TJP1: variants seen among roughly 807,000 people sequenced by gnomAD.
The protein encoded by TJP1 is tight junction protein ZO-1.
TJP1 carries 43 observed loss-of-function variants against 194.2 expected under a neutral mutation model. The observed-to-expected ratio is 0.22, with a 90% CI of 0.17 to 0.29. The LOEUF (loss-of-function observed/expected upper bound fraction) is 0.29. Among genes scored for constraint, TJP1 ranks in the 10% least tolerant of loss-of-function variants. The pLI, the probability that TJP1 is intolerant of heterozygous loss-of-function variation, is 1.00. For synonymous variants in TJP1, 801 were observed against 779.0 expected, an observed-to-expected ratio of 1.03 and a Z score of -0.47; for missense variants, 1,971 against 2,185.7, an observed-to-expected ratio of 0.90 and a Z score of 1.96.
intron 5 of TJP1, among the ~76,000 whole-genome samples, chr15:29,763,858 A>G (rs558487155): frequency 1.3e-5 from 2 of 152,236 alleles, no homozygotes; most frequent in South Asian, 4.2e-4. Context: ...AATCAGGGTG[A>G]AGAAAACGGC....
At chr15:29,814,787 CCA>C (rs780503871) in intron 1 of TJP1, among the ~76,000 whole-genome samples, 1 of 152,154 alleles carries the variant, frequency 6.6e-6, no homozygotes, top group Non-Finnish European at 1.5e-5. Context: ...AGATCATTCA[CCA>C]GTTAACTCAC....
At chr15:29,741,534 G>A in intron 9 of TJP1, 98 bp from the exon 10 acceptor site, 1 of 759,902 alleles carries the variant, frequency 1.3e-6, no homozygotes, top group Non-Finnish European at 2.2e-6. Context: ...CAGAGAACCT[G>A]ATGAGGAACA....
intron 2 of TJP1, among the ~76,000 whole-genome samples, chr15:29,796,755 T>A (rs2048440107): frequency 6.6e-6 from 1 of 152,220 alleles, no homozygotes; most frequent in South Asian, 2.1e-4. Context: ...GGATTTGCCC[T>A]ACCTGATTTC....
chr15:29,788,161 C>CT (rs1413843575), intron 2 of TJP1, among the ~76,000 whole-genome samples: 20 of 152,096 alleles, frequency 1.3e-4, no homozygotes, highest in Admixed American at 1.1e-3. Context: ...ACTGATTTGT[C>CT]TTTTTATTGT....
intron 2 of TJP1, among the ~76,000 whole-genome samples, chr15:29,863,641 C>T (rs1050345174): frequency 2.6e-5 from 4 of 152,094 alleles, no homozygotes; most frequent in Non-Finnish European, 4.4e-5. Flanking sequence ...TTGCAACCTA[C>T]GCCTAAACTA....
chr15:29,818,670 ATTTTTTTTT>A (rs11312672), intron 1 of TJP1, among the ~76,000 whole-genome samples: 1 of 124,714 alleles, frequency 8.0e-6, no homozygotes, highest in Admixed American at 8.1e-5. Flanking sequence ...AGGCCCGGCT[ATTTTTTTTT>A]TTTTTTTTTT....
chr15:29,746,770 T>TG (rs2044814260), intron 8 of TJP1, among the ~76,000 whole-genome samples: 1 of 152,170 alleles, frequency 6.6e-6, no homozygotes, highest in African/African-American at 2.4e-5. Flanking sequence ...TTTCTTTCTA[T>TG]GTTGTCTTCC....
rs1596253399 is a variant in TJP1, at chr15:29,917,439, A to C, written c.306+38793T>G. On this transcript the variant is annotated intron_variant, in intron 2 of 28. Transcript: ENST00000356107. ...TCCCTCCTGAACCCCTGCCAAAAACAATATATAAGGCCACAAAGAAGAAAA... is the reference window on the plus strand; with the variant it reads ...TCCCTCCTGAACCCCTGCCAAAAACCATATATAAGGCCACAAAGAAGAAAA... 4.6e-5 allele frequency among the ~76,000 whole-genome samples: 7 copies of C among 152,316 alleles called. No individual in the cohort carries two copies. In the South Asian group the frequency reaches 1.5e-3, roughly 32 times the overall value.
intron 2 of TJP1, among the ~76,000 whole-genome samples, chr15:29,829,483 CT>C (rs34609570): frequency 6.6e-6 from 1 of 152,008 alleles, no homozygotes; most frequent in African/African-American, 2.4e-5. Flanking sequence ...GTTCAGGAAA[CT>C]TTTTTCCTCA....
chr15:29,888,230 A>C (rs2053187087), intron 2 of TJP1, among the ~76,000 whole-genome samples: 1 of 152,068 alleles, frequency 6.6e-6, no homozygotes, highest in African/African-American at 2.4e-5. Flanking sequence ...TAAAATATTT[A>C]TTTAAACACT....
intron 2 of TJP1, among the ~76,000 whole-genome samples, chr15:29,833,861 A>G (rs1202756492): frequency 4.6e-5 from 1 of 21,878 alleles, no homozygotes; most frequent in Non-Finnish European, 8.1e-5. Context: ...TTGTAAGTAT[A>G]TATATATATA....
intron 2 of TJP1, among the ~76,000 whole-genome samples, chr15:29,793,710 C>A (rs967967453): frequency 6.6e-6 from 1 of 152,102 alleles, no homozygotes; most frequent in Non-Finnish European, 1.5e-5. Context: ...CATGAGAACT[C>A]CACTCCTATG....
At chr15:29,960,173 C>G (rs759970845) in intron 1 of TJP1, among the ~76,000 whole-genome samples, 46 of 152,088 alleles carry the variant, frequency 3.0e-4, no homozygotes, top group Non-Finnish European at 6.5e-4. Context: ...TATGCCAAAT[C>G]TAGAAGCCTA....
intron 2 of TJP1, among the ~76,000 whole-genome samples, chr15:29,846,178 T>C (rs2051401243): frequency 1.3e-5 from 2 of 152,186 alleles, no homozygotes; most frequent in African/African-American, 4.8e-5. Context: ...TAACCTCTCC[T>C]GCTTATAATC....
At chr15:29,961,222 A>T (rs117926147) in intron 1 of TJP1, among the ~76,000 whole-genome samples, 1 of 150,090 alleles carries the variant, frequency 6.7e-6, no homozygotes, top group East Asian at 2.0e-4. Context: ...GACTTCAGGG[A>T]TTATTCCCCG....
At chr15:29,903,666 A>G (rs533564975) in intron 2 of TJP1, among the ~76,000 whole-genome samples, 6 of 152,214 alleles carry the variant, frequency 3.9e-5, no homozygotes, top group South Asian at 4.2e-4. Flanking sequence ...GGATGGTCTC[A>G]ATCTCCCGAC....
chr15:29,894,017 C>T (rs953230278), intron 2 of TJP1, among the ~76,000 whole-genome samples: 1 of 152,118 alleles, frequency 6.6e-6, no homozygotes, highest in Non-Finnish European at 1.5e-5. Flanking sequence ...TAGATTTTTA[C>T]ACAAAAGGTT....
chr15:29,719,671 G>A, intron 20 of TJP1, 106 bp downstream of exon 20: 1 of 1,405,494 alleles, frequency 7.1e-7, no homozygotes, highest in Non-Finnish European at 9.7e-7. Flanking sequence ...CAGTGTATAA[G>A]CCTGCAGTAA....
In TJP1 at chr15:29,771,323, T is replaced by G. The variant is rs184588525; in HGVS notation, c.312+741A>C. Reference sequence around the variant, plus strand: ...GTTACAAGCCTGTACAGCATGTTAGTGAACTGAATACTGTAAGCGACTGTA... The same window carrying G: ...GTTACAAGCCTGTACAGCATGTTAGGGAACTGAATACTGTAAGCGACTGTA... On this transcript the variant is annotated intron_variant, in intron 4 of 27. Transcript: ENST00000614355. Among the ~76,000 whole-genome samples the G allele has an allele frequency of 2.0e-4, 31 of 152,294 alleles. 1 individual carries two copies. Among genetic ancestry groups the G allele is most frequent in the Admixed American group, 1.9e-3 (29 of 15,302 alleles).
Sources: allele counts gnomAD v4.1 joint callset (sites outside exome capture counted in the v4.1 genomes callset), GRCh38; gene constraint gnomAD v4.1.1; transcripts MANE v1.5; gene names NCBI Gene and HGNC (gene_info 2026-07-23, HGNC 2026-07-21).